The following SOX13 variants were observed in gnomAD, a reference collection of about 807,000 sequenced individuals.
SOX13 encodes SRY-box transcription factor 13.
In SOX13, 28 loss-of-function variants were observed where a neutral mutation model predicts 71.8. The ratio of observed to expected loss-of-function variants is 0.39; its 90% CI spans 0.29 to 0.53. SOX13 has a LOEUF of 0.53. Among genes scored for constraint, SOX13 ranks in the 20% least tolerant of loss-of-function variants. The probability of loss-of-function intolerance (pLI) is 0.70; values close to 1 mark genes in which losing one functional copy is unlikely to be tolerated. For synonymous variants in SOX13, 309 were observed against 317.8 expected, an observed-to-expected ratio of 0.97 and a Z score of 0.29; for missense variants, 627 against 810.3, an observed-to-expected ratio of 0.77 and a Z score of 2.75.
intron 1 of SOX13, among the ~76,000 whole-genome samples, chr1:204,098,895 T>C (rs1356840607): frequency 6.6e-6 from 1 of 152,244 alleles, no homozygotes; most frequent in African/African-American, 2.4e-5. Context: ...TCTTCACCCA[T>C]GTTCACCTGG....
chr1:204,123,207 T>C lies in SOX13; in HGVS notation c.1230T>C (p.Asp410=), dbSNP rs1461587926. The C allele has an allele frequency of 6.2e-7, 1 of 1,611,832 alleles. No individual in the cohort carries two copies. The highest frequency in any genetic ancestry group is 8.5e-7 in the Non-Finnish European group (1 of 1,178,170). The change falls in exon 11 of 14, where the codon GAT becomes GAC. Residue 410 remains aspartate (D), a splice_region_variant and synonymous_variant. Transcript: ENST00000367204. This position sits in a 1 kb window ranked among gnomAD's most constrained non-coding sequence, Gnocchi z 5.0. ...LEEAMLSCDM[D]GSRHFPESRN... ...AAGCCATGCTGAGCTGCGACATGGA[T>C]GGTGAGGGCTCAGGCGCAGGGCTGA...
At chr1:204,125,029 CTG>C (rs1483684750) in intron 13 of SOX13, among the ~76,000 whole-genome samples, 172 bp downstream of exon 13, 2 of 152,130 alleles carry the variant, frequency 1.3e-5, no homozygotes, top group African/African-American at 2.4e-5. Context: ...TGCGACCCGA[CTG>C]TGTATGGCTA....
chr1:204,075,898 A>G (rs1655777072), intron 1 of SOX13, among the ~76,000 whole-genome samples: 1 of 152,220 alleles, frequency 6.6e-6, no homozygotes, highest in Admixed American at 6.5e-5. Context: ...CTGACCTTGT[A>G]CAGAGCCCAG....
Position 204,073,185 on chromosome 1 carries a change from G to C in SOX13, c.-528G>C, listed in dbSNP as rs1027967261. 1.3e-5 allele frequency: 2 copies of C among 152,148 alleles called. No homozygotes were observed. The highest frequency in any genetic ancestry group is 1.5e-5 in the Non-Finnish European group (1 of 68,120). The allele number at this position is 152,148 out of a possible 1,614,324, so 9.4% of individuals were successfully genotyped here. On this transcript the variant is annotated 5_prime_UTR_variant, in exon 1 of 14. Coordinates refer to ENST00000367204, the MANE Select transcript of SOX13 (RefSeq NM_005686.3). The surrounding 1 kb of genome is among the most constrained non-coding windows in gnomAD (Gnocchi z 6.8). ...GCTTGGAACTGAACTGTGTGAGCACGGGTCCTGGAACCCGGGCCCAGAACC... is the reference window on the plus strand; with the variant it reads ...GCTTGGAACTGAACTGTGTGAGCACCGGTCCTGGAACCCGGGCCCAGAACC...
rs1488251471 is a variant in SOX13 at position 204,116,517 on chromosome 1, G to C, written c.429G>C (p.Glu143Asp). 1 of 1,613,798 alleles carries C rather than the reference G, an allele frequency of 6.2e-7. No individual in the cohort carries two copies. The highest frequency in any genetic ancestry group is 1.3e-5 in the African/African-American group (1 of 74,942). ...MEAKDVKGTQESLAEKELQLL... is the reference protein window; with the variant it reads ...MEAKDVKGTQDSLAEKELQLL... ...TTCACTGTGGAGCAGGGACCCAAGAGAGCCTAGCAGAGAAGGAGCTCCAGC... is the reference window on the plus strand; with the variant it reads ...TTCACTGTGGAGCAGGGACCCAAGACAGCCTAGCAGAGAAGGAGCTCCAGC... Residue 143 changes from glutamate to aspartate, a missense_variant, in exon 5 of 14, where the codon GAG becomes GAC. This residue lies in a region of SOX13 where 447 missense variants were observed against 532.2 expected (regional missense o/e 0.84). Transcript: ENST00000367204.
In SOX13 at chr1:204,124,627, G is replaced by A; in HGVS notation, c.1376-14G>A. 1 of 1,599,398 alleles carries A rather than the reference G, an allele frequency of 6.3e-7. No homozygotes were observed. The highest frequency in any genetic ancestry group is 1.3e-5 in the African/African-American group (1 of 74,754). On this transcript the variant is annotated splice_polypyrimidine_tract_variant and intron_variant, in intron 12 of 13. Coordinates refer to ENST00000367204, the MANE Select transcript of SOX13 (RefSeq NM_005686.3). ...GCCCAGCACTGACTGCCTGCCCCTG[G>A]GGGGTTGGGTCAGGATCTCGCTGGA...
Position 204,114,703 on chromosome 1 carries a change from T to A in SOX13, c.418+98T>A, listed in dbSNP as rs1442280808. ...GCTCTGTAGGGCAGTTCTTGGTACA[T>A]ACCTATCCTGTGCCATCTGGCTCCT... On this transcript the variant is annotated intron_variant, in intron 4 of 13. Coordinates refer to ENST00000367204, the MANE Select transcript of SOX13 (RefSeq NM_005686.3). 3.3e-6 allele frequency: 3 copies of A among 903,408 alleles called. No individual in the cohort carries two copies. In the African/African-American group the frequency reaches 4.9e-5, roughly 15 times the overall value. 56.0% of individuals were successfully genotyped at this position (903,408 alleles called of 1,614,324 possible). A position where few individuals can be genotyped will look rare whatever the true frequency, so the allele number is the denominator to read the frequency against.
At chr1:204,080,906 CTTTTTTTT>C (rs1180508830) in intron 1 of SOX13, among the ~76,000 whole-genome samples, 1 of 122,756 alleles carries the variant, frequency 8.1e-6, no homozygotes. Flanking sequence ...CCTTTGTTGA[CTTTTTTTT>C]TTTTTTTTTT....
intron 1 of SOX13, among the ~76,000 whole-genome samples, chr1:204,086,014 GCCTTC>G (rs1656010957): frequency 6.6e-6 from 1 of 151,948 alleles, no homozygotes; most frequent in Admixed American, 6.6e-5. Context: ...GTGCCTTCTA[GCCTTC>G]TAGGCAGAGA....
At chr1:204,080,221 C>A (rs1006966400) in intron 1 of SOX13, among the ~76,000 whole-genome samples, 3 of 152,212 alleles carry the variant, frequency 2.0e-5, no homozygotes, top group Non-Finnish European at 1.5e-5. Context: ...CACTCTCCCC[C>A]CAGCGGTGGC....
chr1:204,096,636 C>T (rs1258848651), intron 1 of SOX13, among the ~76,000 whole-genome samples: 8 of 151,342 alleles, frequency 5.3e-5, no homozygotes, highest in Admixed American at 4.0e-4. Flanking sequence ...AGGCTGGACT[C>T]GAACTCCTGA....
chr1:204,114,678 G>C, intron 4 of SOX13, 73 bp downstream of exon 4: 2 of 1,143,596 alleles, frequency 1.7e-6, no homozygotes, highest in Non-Finnish European at 1.3e-6. Flanking sequence ...ACGCAGCCTG[G>C]CTCTGTAGGG....
At chr1:204,098,790 A>G (rs956152140) in intron 1 of SOX13, among the ~76,000 whole-genome samples, 1 of 152,158 alleles carries the variant, frequency 6.6e-6, no homozygotes, top group Non-Finnish European at 1.5e-5. Context: ...GCCTTTGTTC[A>G]TGAGAAGCCT....
At position 204,126,515 on chromosome 1, in the gene SOX13, GCCAC is replaced by G; in HGVS notation, c.*382_*385del. 1 of 256,844 alleles carries G rather than the reference GCCAC, an allele frequency of 3.9e-6. No individual in the cohort carries two copies. The highest frequency in any genetic ancestry group is 7.6e-6 in the Non-Finnish European group (1 of 131,738). 15.9% of individuals were successfully genotyped at this position (256,844 alleles called of 1,614,324 possible). The stretch of plus-strand genomic sequence containing the variant: ...TTCCATTCTTGTCCTGGCTGGACCA[GCCAC>G]TGTGGGACCAACACCCCTCCCACAC... On this transcript the variant is annotated 3_prime_UTR_variant, in exon 14 of 14. Coordinates refer to ENST00000367204, the MANE Select transcript of SOX13 (RefSeq NM_005686.3).
rs200311750 is a variant in SOX13, at chr1:204,099,424, CTT to C, written c.-1-13469_-1-13468del. 6.2e-3 allele frequency among the ~76,000 whole-genome samples: 580 copies of C among 93,378 alleles called. 2 individuals are homozygous for C. Among genetic ancestry groups the C allele is most frequent in the African/African-American group, 0.022 (549 of 24,658 alleles). The allele number at this position is 93,378 out of a possible 152,430, so 61.3% of individuals were successfully genotyped here. A position where few individuals can be genotyped will look rare whatever the true frequency, so the allele number is the denominator to read the frequency against. ...TTGGTGTCTCAGTGTCTTTTTCTGG[CTT>C]TTTTTTTTTTTTTTTTTTTTTGAGA... On this transcript the variant is annotated intron_variant, in intron 1 of 13. Coordinates refer to ENST00000367204, the MANE Select transcript of SOX13 (RefSeq NM_005686.3).
In SOX13 at chr1:204,074,916, G is replaced by A. The variant is rs527847831; in HGVS notation, c.-2+1205G>A. Among the ~76,000 whole-genome samples, 6 of 152,340 alleles carry A rather than the reference G, an allele frequency of 3.9e-5. No individual in the cohort carries two copies. In the South Asian group the frequency reaches 1.2e-3, roughly 32 times the overall value. Reference sequence around the variant, plus strand: ...TGGGAAGTTTGCTTTGACTCTCTGGGAATTTCCGGGCAGGACGCCTCGGCG... The same window carrying A: ...TGGGAAGTTTGCTTTGACTCTCTGGAAATTTCCGGGCAGGACGCCTCGGCG... On this transcript the variant is annotated intron_variant, in intron 1 of 13. Transcript: ENST00000367204.
intron 5 of SOX13, 110 bp from the exon 6 acceptor site, chr1:204,117,012 C>T: frequency 9.2e-7 from 1 of 1,084,478 alleles, no homozygotes; most frequent in Non-Finnish European, 1.4e-6. Context: ...ACTGCCACCC[C>T]ACTCCATGGC....
rs1655910742 is a variant in SOX13 at position 204,081,702 on chromosome 1, A to T, written c.-2+7991A>T. On this transcript the variant is annotated intron_variant, in intron 1 of 13. Coordinates refer to ENST00000367204, the MANE Select transcript of SOX13 (RefSeq NM_005686.3). The surrounding 1 kb of genome is among the most constrained non-coding windows in gnomAD (Gnocchi z 4.3). ...CAGGACCTGGCACTCCTCAGAGTGG[A>T]GGGTGAGGAGGGTTTTCTGTCTTAG... Among the ~76,000 whole-genome samples the T allele has an allele frequency of 6.6e-6, 1 of 152,142 alleles. No homozygotes were observed. Among genetic ancestry groups the T allele is most frequent in the African/African-American group, 2.4e-5 (1 of 41,454 alleles).
intron 1 of SOX13, among the ~76,000 whole-genome samples, chr1:204,087,841 A>G (rs1478073117): frequency 2.0e-5 from 3 of 152,132 alleles, no homozygotes; most frequent in Non-Finnish European, 2.9e-5. Flanking sequence ...AAAACCTTCT[A>G]GTTTGGAAGG....
Sources: gnomAD v4.1 joint callset for allele counts (sites outside exome capture counted in the v4.1 genomes callset) on GRCh38, gnomAD v4.1.1 for gene constraint, gnomAD v4.1.1 regional missense constraint, Gnocchi (gnomAD v3.1) non-coding constraint, MANE v1.5 for transcripts, NCBI Gene and HGNC (gene_info 2026-07-23, HGNC 2026-07-21) for gene names.